TCF12: variants seen among roughly 807,000 people sequenced by gnomAD.
TCF12 encodes DNA-binding protein HTF4.
TCF12 carries 45 observed loss-of-function variants against 86.0 expected under a neutral mutation model. The observed-to-expected ratio is 0.52, with a 90% CI of 0.41 to 0.67. The LOEUF (loss-of-function observed/expected upper bound fraction) is 0.67, where lower values mean the gene tolerates loss of function less well. TCF12 is among the 30% of genes least tolerant of loss of function. TCF12 has a pLI of 0.00. For missense variants in TCF12, 881 were observed against 859.9 expected (o/e 1.02, Z -0.31); for synonymous variants, 330 against 299.6 (o/e 1.10, Z -1.05).
chr15:56,985,156 C>T (rs2063121014), intron 3 of TCF12, among the ~76,000 whole-genome samples: 2 of 152,150 alleles, frequency 1.3e-5, no homozygotes, highest in Non-Finnish European at 2.9e-5. Context: ...TTATTTCCTT[C>T]CAGTGCTTCT....
intron 6 of TCF12, among the ~76,000 whole-genome samples, chr15:57,172,933 T>G (rs1413080301): frequency 6.7e-6 from 1 of 148,944 alleles, no homozygotes; most frequent in Non-Finnish European, 1.5e-5. Context: ...AGACTCTGTC[T>G]CTATTAAAAT....
At chr15:57,233,564 C>T (rs770567350) in intron 11 of TCF12, among the ~76,000 whole-genome samples, 3 of 151,960 alleles carry the variant, frequency 2.0e-5, no homozygotes, top group Non-Finnish European at 4.4e-5. Flanking sequence ...CTACAACCTC[C>T]GCCTCCAGGC....
At chr15:57,136,940 T>C (rs2052565355) in intron 5 of TCF12, among the ~76,000 whole-genome samples, 1 of 136,718 alleles carries the variant, frequency 7.3e-6, no homozygotes, top group South Asian at 2.4e-4. Flanking sequence ...CAATAGACAA[T>C]AGCCACTGCT....
At chr15:57,252,553 C>A in intron 15 of TCF12, 61 bp downstream of exon 15, 3 of 1,403,164 alleles carry the variant, frequency 2.1e-6, no homozygotes, top group South Asian at 2.4e-5. Context: ...TCCCACTATT[C>A]ATTTAAAATC....
At chr15:57,112,287 G>A (rs1383908409) in intron 5 of TCF12, among the ~76,000 whole-genome samples, 1 of 152,198 alleles carries the variant, frequency 6.6e-6, no homozygotes. Context: ...TGACTTTCCA[G>A]TGATCTAAGA....
intron 18 of TCF12, among the ~76,000 whole-genome samples, chr15:57,268,451 A>G (rs1431381657): frequency 1.3e-5 from 2 of 152,288 alleles, no homozygotes; most frequent in African/African-American, 4.8e-5. Context: ...GCTGGAGTGC[A>G]GTGGACAATA....
At chr15:57,185,913 A>G (rs2056640220) in intron 6 of TCF12, among the ~76,000 whole-genome samples, 1 of 152,160 alleles carries the variant, frequency 6.6e-6, no homozygotes, top group African/African-American at 2.4e-5. Context: ...AAAAAGATCA[A>G]CAGAATTGAC....
intron 5 of TCF12, among the ~76,000 whole-genome samples, chr15:57,128,249 C>T (rs2051826613): frequency 6.6e-6 from 1 of 152,100 alleles, no homozygotes; most frequent in African/African-American, 2.4e-5. Context: ...TCCTTTTTCG[C>T]TAATCAGATG....
chr15:57,191,031 C>G (rs1156601411), intron 6 of TCF12, among the ~76,000 whole-genome samples: 1 of 152,170 alleles, frequency 6.6e-6, no homozygotes, highest in Admixed American at 6.5e-5. Context: ...GCAGATGCAA[C>G]AAAATGAAGA....
At chr15:57,221,415 C>CTGTGTGTGT (rs2058590435) in intron 8 of TCF12, among the ~76,000 whole-genome samples, 1 of 129,802 alleles carries the variant, frequency 7.7e-6, no homozygotes. Flanking sequence ...TGTGTGTGCA[C>CTGTGTGTGT]GTGTATAAGT....
intron 3 of TCF12, among the ~76,000 whole-genome samples, chr15:56,983,532 T>C (rs772122843): frequency 7.9e-4 from 120 of 152,218 alleles, no homozygotes; most frequent in Admixed American, 1.2e-3. Flanking sequence ...GTATTAGTGG[T>C]AAATACTATA....
chr15:57,130,428 A>C (rs2052018263), intron 5 of TCF12, among the ~76,000 whole-genome samples: 1 of 152,182 alleles, frequency 6.6e-6, no homozygotes, highest in South Asian at 2.1e-4. Flanking sequence ...AACTTCACAC[A>C]ACTCCAGAGA....
At chr15:56,978,909 G>A (rs527558968) in intron 3 of TCF12, among the ~76,000 whole-genome samples, 27 of 152,250 alleles carry the variant, frequency 1.8e-4, no homozygotes, top group Admixed American at 5.9e-4. Context: ...GTCAAATGTG[G>A]CTGTGACTGA....
chr15:57,023,862 G>T (rs1167537581), intron 3 of TCF12, among the ~76,000 whole-genome samples: 3 of 152,136 alleles, frequency 2.0e-5, no homozygotes, highest in African/African-American at 7.2e-5. Context: ...ATAGTTTTGG[G>T]ACATAAGTAT....
chr15:57,209,239 A>G (rs780365155), intron 8 of TCF12, among the ~76,000 whole-genome samples: 3 of 152,168 alleles, frequency 2.0e-5, no homozygotes, highest in Non-Finnish European at 4.4e-5. Flanking sequence ...CCTTCTTTGT[A>G]TAAGAAACTG....
chr15:56,991,618 C>T (rs1185106475), intron 3 of TCF12, among the ~76,000 whole-genome samples: 1 of 152,128 alleles, frequency 6.6e-6, no homozygotes, highest in Non-Finnish European at 1.5e-5. Context: ...ATACCTACTG[C>T]TTGAATGAAG....
At chr15:57,184,351 T>G (rs1162383338) in intron 6 of TCF12, among the ~76,000 whole-genome samples, 1 of 152,180 alleles carries the variant, frequency 6.6e-6, no homozygotes. Flanking sequence ...AAGCTCTGGT[T>G]TTTTGACCCC....
At chr15:57,284,715 G>A (rs2061857592) in intron 20 of TCF12, among the ~76,000 whole-genome samples, 1 of 152,180 alleles carries the variant, frequency 6.6e-6, no homozygotes, top group Non-Finnish European at 1.5e-5. Context: ...TATTTTTCTT[G>A]TCTCGCTCTA....
chr15:57,033,130 A>G (rs1460757070), intron 3 of TCF12, among the ~76,000 whole-genome samples: 1 of 152,192 alleles, frequency 6.6e-6, no homozygotes, highest in Non-Finnish European at 1.5e-5. Context: ...AATCTGAACA[A>G]TAAAGAGAAA....
Sources: gnomAD v4.1 joint callset for allele counts (sites outside exome capture counted in the v4.1 genomes callset) on GRCh38, gnomAD v4.1.1 for gene constraint, MANE v1.5 for transcripts, NCBI Gene and HGNC (gene_info 2026-07-23, HGNC 2026-07-21) for gene names.